Variants in OR7E24 observed in about 807,000 individuals in gnomAD.
OR7E24 encodes olfactory receptor 7E24.
For synonymous variants in OR7E24, 130 were observed against 157.5 expected (o/e 0.83, Z 1.31); for missense variants, 385 against 410.3 (o/e 0.94, Z 0.53).
At chr19:9,231,408 C>A in the OR7E24 span, among the ~76,000 whole-genome samples, 2 of 151,898 alleles carry the variant, frequency 1.3e-5, no homozygotes, top group African/African-American at 4.8e-5. Flanking sequence ...GGTGAAACCC[C>A]ATCTCTACTA....
At chr19:9,211,684 A>T in the OR7E24 span, 1 of 151,862 alleles carries the variant, frequency 6.6e-6, no homozygotes, top group East Asian at 1.9e-4. Context: ...CTCTACTAAA[A>T]ATACAAAAGA....
At chr19:9,223,066 T>G in the OR7E24 span, among the ~76,000 whole-genome samples, 1 of 152,200 alleles carries the variant, frequency 6.6e-6, no homozygotes, top group Non-Finnish European at 1.5e-5. Context: ...TCATATGGCT[T>G]TTGTTCTTCA....
chr19:9,249,766 A>G (rs1364878093), upstream of OR7E24, among the ~76,000 whole-genome samples: 1 of 152,172 alleles, frequency 6.6e-6, no homozygotes, highest in African/African-American at 2.4e-5. Flanking sequence ...CAGCCTGGCC[A>G]ACATGGTGAA....
In OR7E24 at chr19:9,251,193, G is replaced by A. The variant is rs1467209601; in HGVS notation, c.150G>A (p.Leu50=). 1 of 1,613,912 alleles carries A rather than the reference G, an allele frequency of 6.2e-7. No individual in the cohort carries two copies. Among genetic ancestry groups the A allele is most frequent in the Admixed American group, 1.7e-5 (1 of 59,986 alleles). ...AGCCGGTCCTCGCTGGGCTGTTCCT[G>A]TCCATGTACCTGGTCACGGTGCTGG... The part of the protein sequence containing the change: ...ELQPVLAGLF[L]SMYLVTVLGN... Residue 50 remains leucine, a synonymous_variant, in exon 1 of 1, where the codon CTG becomes CTA. Transcript: ENST00000456448.
At chr19:9,246,032 G>A (rs1397381353), upstream of OR7E24, among the ~76,000 whole-genome samples, 2 of 117,802 alleles carry the variant, frequency 1.7e-5, no homozygotes, top group East Asian at 2.4e-4. Context: ...GCGACTTCCC[G>A]TTGCAATTTG....
At chr19:9,235,793 C>T in the OR7E24 span, 15 of 1,610,860 alleles carry the variant, frequency 9.3e-6, 1 homozygote, top group South Asian at 1.4e-4. Flanking sequence ...ATCCTCTTCT[C>T]CTACTCTCAG....
the OR7E24 span, chr19:9,214,019 G>A: frequency 9.7e-5 from 156 of 1,605,304 alleles, 2 homozygotes; most frequent in Middle Eastern, 1.7e-3. Flanking sequence ...TCACTGAGGC[G>A]GTGGAGCTGC....
the OR7E24 span, chr19:9,214,261 G>A: frequency 1.9e-6 from 3 of 1,614,134 alleles, no homozygotes; most frequent in Non-Finnish European, 2.5e-6. Flanking sequence ...TTATTGAGGA[G>A]GGTGTTAGAG....
the OR7E24 span, among the ~76,000 whole-genome samples, chr19:9,227,920 A>AT: frequency 6.7e-6 from 1 of 149,996 alleles, no homozygotes; most frequent in Non-Finnish European, 1.5e-5. Flanking sequence ...CGCCCGGCTA[A>AT]TTTTTTGTAT....
At chr19:9,207,458 TAA>T in the OR7E24 span, 1 of 152,186 alleles carries the variant, frequency 6.6e-6, no homozygotes, top group Non-Finnish European at 1.5e-5. Flanking sequence ...ACCTATGAGC[TAA>T]AACAGTGAAT....
At position 9,251,765 on chromosome 19, in the gene OR7E24, C is replaced by T; in HGVS notation, c.722C>T (p.Ser241Phe). 1.2e-6 allele frequency: 2 copies of T among 1,611,142 alleles called. No homozygotes were observed. The highest frequency in any genetic ancestry group is 8.5e-7 in the Non-Finnish European group (1 of 1,178,360). Reference protein sequence around the residue: ...GILFSYYKIVSPILRVPTSDG... With the variant: ...GILFSYYKIVFPILRVPTSDG... ...CTTTTCTCTTACTATAAAATTGTTTCCCCCATTCTGAGAGTTCCAACATCA... is the reference window on the plus strand; with the variant it reads ...CTTTTCTCTTACTATAAAATTGTTTTCCCCATTCTGAGAGTTCCAACATCA... Residue 241 changes from serine (S) to phenylalanine (F), a missense_variant, in exon 1 of 1, where the codon TCC becomes TTC. By Grantham distance (155) the Ser-to-Phe change is radical. Transcript: ENST00000456448.
In OR7E24 at chr19:9,251,883, A is replaced by T. The variant is rs768299897; in HGVS notation, c.840A>T (p.Ser280=). ...YGTGLVGYLS[S]AVLPSPRKSM... ...CAGGGCTTGTAGGGTACCTCAGTTC[A>T]GCTGTGTTACCATCCCCCAGGAAGA... The change falls in exon 1 of 1, where the codon TCA becomes TCT. Residue 280 remains serine, a synonymous_variant. Coordinates refer to ENST00000456448, the MANE Select transcript of OR7E24 (RefSeq NM_001079935.2). The T allele has an allele frequency of 6.2e-7, 1 of 1,614,098 alleles. No individual in the cohort carries two copies. The highest frequency in any genetic ancestry group is 8.5e-7 in the Non-Finnish European group (1 of 1,180,010).
the OR7E24 span, among the ~76,000 whole-genome samples, chr19:9,241,369 C>T: frequency 3.2e-3 from 481 of 152,288 alleles, 2 homozygotes; most frequent in African/African-American, 0.011. Context: ...GAGCCCTGCT[C>T]ATGAACATTC....
chr19:9,224,118 G>A, the OR7E24 span, among the ~76,000 whole-genome samples: 1 of 151,990 alleles, frequency 6.6e-6, no homozygotes, highest in African/African-American at 2.4e-5. Context: ...CCAAAGTGCT[G>A]GGATTACAGG....
Position 9,251,482 on chromosome 19 carries a change from C to T in OR7E24, c.439C>T (p.Pro147Ser), listed in dbSNP as rs779317861. 1.9e-6 allele frequency: 3 copies of T among 1,613,950 alleles called. No individual in the cohort carries two copies. The African/African-American group carries it at 4.0e-5, about 22-fold the overall frequency. Residue 147 changes from proline (P) to serine (S), a missense_variant, in exon 1 of 1, where the codon CCC becomes TCC. Transcript: ENST00000456448. ...AYDRFVAICH[P>S]LHYRIIMNPR... Reference sequence around the variant, plus strand: ...TGACCGGTTTGTGGCCATCTGTCACCCCCTGCACTACCGAATCATCATGAA... The same window carrying T: ...TGACCGGTTTGTGGCCATCTGTCACTCCCTGCACTACCGAATCATCATGAA...
chr19:9,225,064 C>A, the OR7E24 span, among the ~76,000 whole-genome samples: 3 of 152,120 alleles, frequency 2.0e-5, no homozygotes, highest in South Asian at 2.1e-4. Flanking sequence ...AATCACCCAA[C>A]AACAGAAGTG....
the OR7E24 span, among the ~76,000 whole-genome samples, chr19:9,237,379 C>T: frequency 1.8e-4 from 27 of 152,152 alleles, no homozygotes; most frequent in Non-Finnish European, 4.0e-4. Context: ...GGCACGATCT[C>T]GGCTCACTGC....
chr19:9,247,503 G>A (rs2066133773), upstream of OR7E24: 2 of 398,728 alleles, frequency 5.0e-6, no homozygotes, highest in Non-Finnish European at 8.8e-6. Flanking sequence ...CCCAGCAGAG[G>A]GGAAGCGCAG....
upstream of OR7E24, among the ~76,000 whole-genome samples, chr19:9,244,017 A>G (rs2066122941): frequency 6.6e-6 from 1 of 152,190 alleles, no homozygotes; most frequent in Non-Finnish European, 1.5e-5. Context: ...CAATTCCAGT[A>G]TCAGACCCAT....
Sources: gnomAD v4.1 joint callset for allele counts (sites outside exome capture counted in the v4.1 genomes callset) on GRCh38, gnomAD v4.1.1 for gene constraint, MANE v1.5 for transcripts, NCBI Gene and HGNC (gene_info 2026-07-23, HGNC 2026-07-21) for gene names.